DHRS7: variants seen among roughly 807,000 people sequenced by gnomAD.
The protein encoded by DHRS7 is dehydrogenase/reductase 7, also known as dehydrogenase/reductase SDR family member 7.
In DHRS7, 34 loss-of-function variants were observed where a neutral mutation model predicts 38.9. The observed-to-expected ratio is 0.87, with a 90% CI of 0.66 to 1.16. DHRS7 has a LOEUF of 1.16. Ranked by LOEUF, DHRS7 falls within the 50% of genes most tolerant of loss-of-function variation. The pLI is 0.00. For synonymous variants in DHRS7, 158 were observed against 153.1 expected, an observed-to-expected ratio of 1.03 and a Z score of -0.24; for missense variants, 421 against 407.0, an observed-to-expected ratio of 1.03 and a Z score of -0.30.
upstream of DHRS7, chr14:60,168,917 AT>A: frequency 1.3e-6 from 1 of 798,958 alleles, no homozygotes; most frequent in Non-Finnish European, 1.8e-6. Context: ...TAACTAACCC[AT>A]TGAAGTTTTG....
chr14:60,155,038 A>G (rs1896628767), intron 2 of DHRS7, among the ~76,000 whole-genome samples: 1 of 152,200 alleles, frequency 6.6e-6, no homozygotes, highest in Non-Finnish European at 1.5e-5. Flanking sequence ...AAAGAATGAC[A>G]GGTAGAGAGA....
At chr14:60,159,455 T>C (rs547524884) in intron 1 of DHRS7, 169 of 201,704 alleles carry the variant, frequency 8.4e-4, no homozygotes, top group Non-Finnish European at 7.7e-4. Context: ...ATGTCAGATG[T>C]AGGCAACATT....
Position 60,153,981 on chromosome 14 carries a change from G to C in DHRS7, c.371C>G (p.Ala124Gly), listed in dbSNP as rs746345232. The change falls in exon 3 of 7, where the codon GCT becomes GGT. Residue 124 changes from alanine (A) to glycine (G), a missense_variant. Physicochemically the swap from Ala to Gly is moderately conservative, Grantham distance 60 (BLOSUM62 0). Coordinates refer to ENST00000557185, the MANE Select transcript of DHRS7 (RefSeq NM_016029.4). This position sits in a 1 kb window ranked among gnomAD's most constrained non-coding sequence, Gnocchi z 4.4. ...TACTCTACCAAACTCCTGGAGAACA[G>C]CTTTGGTAGCCGCTTCATGGGAACC... The part of the protein sequence containing the change: ...DTGSHEAATK[A>G]VLQEFGRIDI... 6.2e-7 allele frequency: 1 copy of C among 1,614,052 alleles called. No homozygotes were observed. The highest frequency in any genetic ancestry group is 1.7e-5 in the Admixed American group (1 of 60,008).
Position 60,165,336 on chromosome 14 carries a change from GGAA to G in DHRS7, c.-30_-28del, listed in dbSNP as rs1226700188. The G allele has an allele frequency of 5.1e-6, 8 of 1,555,942 alleles. No homozygotes were observed. In the East Asian group the frequency reaches 1.4e-4, roughly 27 times the overall value. On this transcript the variant is annotated 5_prime_UTR_variant, in exon 1 of 7. Transcript: ENST00000557185. The surrounding 1 kb of genome is among the most constrained non-coding windows in gnomAD (Gnocchi z 4.6). ...GCGGCCGCGCACGCCCAGCTCGGGG[GGAA>G]GAAGACGGCCCGCACCAGAGTCGCG... is the stretch of plus-strand genomic sequence containing the variant.
At chr14:60,151,093 G>C (rs190880983) in intron 4 of DHRS7, among the ~76,000 whole-genome samples, 1 of 152,264 alleles carries the variant, frequency 6.6e-6, no homozygotes, top group Admixed American at 6.5e-5. Flanking sequence ...TTCACAGAAA[G>C]TATCAGAAAG....
intron 1 of DHRS7, among the ~76,000 whole-genome samples, chr14:60,158,168 G>A (rs999844795): frequency 1.3e-5 from 2 of 150,156 alleles, no homozygotes; most frequent in Non-Finnish European, 3.0e-5. Flanking sequence ...GGGAGGCAGA[G>A]GTTGCAGTGA....
intron 4 of DHRS7, among the ~76,000 whole-genome samples, chr14:60,151,391 G>C (rs1896541416): frequency 6.6e-6 from 1 of 152,104 alleles, no homozygotes; most frequent in African/African-American, 2.4e-5. Context: ...CTATTGAAAA[G>C]CCTAAACAGC....
At chr14:60,150,258 A>C (rs1896515783) in intron 4 of DHRS7, 71 bp from the exon 5 acceptor site, 19 of 1,374,328 alleles carry the variant, frequency 1.4e-5, no homozygotes, top group Non-Finnish European at 1.8e-5. Context: ...ATTTATCAAA[A>C]TATGTTCTAA....
In DHRS7 at chr14:60,153,369, G is replaced by A. The variant is rs1027502305; in HGVS notation, c.394-191C>T. Among the ~76,000 whole-genome samples the A allele has an allele frequency of 1.3e-5, 2 of 152,106 alleles. No individual in the cohort carries two copies. The highest frequency in any genetic ancestry group is 4.8e-5 in the African/African-American group (2 of 41,412). On this transcript the variant is annotated intron_variant, in intron 3 of 6. Coordinates refer to ENST00000557185, the MANE Select transcript of DHRS7 (RefSeq NM_016029.4). The surrounding 1 kb of genome is among the most constrained non-coding windows in gnomAD (Gnocchi z 4.4). ...CCTGTGGAATTAAATTCCCGTTTTA[G>A]GTGACTTTTTGTGAAAGTTAATAAT...
intron 4 of DHRS7, among the ~76,000 whole-genome samples, chr14:60,150,579 T>C (rs1896523210): frequency 6.6e-6 from 1 of 152,174 alleles, no homozygotes. Context: ...TGGTTTTTTG[T>C]CCTTGCAATA....
Position 60,162,717 on chromosome 14 carries a change from T to G in DHRS7, c.133+2460A>C, listed in dbSNP as rs1297245390. 2.6e-5 allele frequency among the ~76,000 whole-genome samples: 4 copies of G among 152,194 alleles called. No homozygotes were observed. The highest frequency in any genetic ancestry group is 5.9e-5 in the Non-Finnish European group (4 of 68,036). On this transcript the variant is annotated intron_variant, in intron 1 of 6. Transcript: ENST00000557185. The surrounding 1 kb of genome is among the most constrained non-coding windows in gnomAD (Gnocchi z 4.5). Reference sequence around the variant, plus strand: ...ATCTGAGTCTATTTCAATTTTCCTTTAATCTTTTCTTCTTTCTCACTCCCT... The same window carrying G: ...ATCTGAGTCTATTTCAATTTTCCTTGAATCTTTTCTTCTTTCTCACTCCCT...
chr14:60,165,797 G>A (rs575269629), upstream of DHRS7, among the ~76,000 whole-genome samples: 30 of 152,132 alleles, frequency 2.0e-4, no homozygotes, highest in Non-Finnish European at 3.7e-4. This position sits in a 1 kb window ranked among gnomAD's most constrained non-coding sequence, Gnocchi z 4.6. Flanking sequence ...TCAAGCTTCA[G>A]TATCTTTTCA....
intron 2 of DHRS7, among the ~76,000 whole-genome samples, chr14:60,154,285 G>A (rs1896613593): frequency 6.6e-6 from 1 of 151,864 alleles, no homozygotes. Flanking sequence ...TGAATATGCA[G>A]TCTAACTTTA....
chr14:60,166,930 T>C (rs1423275396), upstream of DHRS7, among the ~76,000 whole-genome samples: 1 of 149,030 alleles, frequency 6.7e-6, no homozygotes, highest in Non-Finnish European at 1.5e-5. Flanking sequence ...AATTTAAACC[T>C]CCTTGATAGA....
At chr14:60,156,249 A>C in intron 1 of DHRS7, 97 bp from the exon 2 acceptor site, 2 of 1,098,540 alleles carry the variant, frequency 1.8e-6, no homozygotes, top group Non-Finnish European at 2.4e-6. Flanking sequence ...AAACAATACC[A>C]CTAAATATGA....
At position 60,156,092 on chromosome 14, in the gene DHRS7, T is replaced by C. The variant is rs763373267; in HGVS notation, c.194A>G (p.Glu65Gly). The C allele has an allele frequency of 1.2e-5, 20 of 1,603,104 alleles. No homozygotes were observed. The East Asian group carries it at 4.5e-4, about 36-fold the overall frequency. Residue 65 changes from glutamate (E) to glycine (G), a missense_variant, in exon 2 of 7, where the codon GAG (glutamate) becomes GGG (glycine). Transcript: ENST00000557185. Reference sequence around the variant, plus strand: ...TAGTTTAGACAACTGGTAAGCCAGCTCCTCACCAATTCCACTCGAGGCTCC... The same window carrying C: ...TAGTTTAGACAACTGGTAAGCCAGCCCCTCACCAATTCCACTCGAGGCTCC... ...VTGASSGIGE[E>G]LAYQLSKLGV...
chr14:60,169,695 A>C (rs976219810), upstream of DHRS7: 2 of 152,092 alleles, frequency 1.3e-5, no homozygotes. Context: ...GAAACACCTT[A>C]CCTGTTTCCT....
rs754937578 is a variant in DHRS7, at chr14:60,150,123, C to A, written c.698G>T (p.Cys233Phe). The change falls in exon 5 of 7, where the codon TGC becomes TTC. Residue 233 changes from cysteine to phenylalanine, a missense_variant. Cys to Phe is a radical substitution (Grantham distance 205). Coordinates refer to ENST00000557185, the MANE Select transcript of DHRS7 (RefSeq NM_016029.4). ...TYPGIIVSNICPGPVQSNIVE... is the reference protein window; with the variant it reads ...TYPGIIVSNIFPGPVQSNIVE... Reference sequence around the variant, plus strand: ...AATATTTGATTGCACAGGTCCTGGGCAAATGTTAGAAACTATTATACCTGG... The same window carrying A: ...AATATTTGATTGCACAGGTCCTGGGAAAATGTTAGAAACTATTATACCTGG... The A allele has an allele frequency of 8.9e-6, 14 of 1,568,350 alleles. No individual in the cohort carries two copies. In the African/African-American group the frequency reaches 1.5e-4, roughly 17 times the overall value.
chr14:60,148,227 G>GGATT lies in DHRS7; in HGVS notation c.972+1122_972+1125dup, dbSNP rs1313052096. 5.3e-5 allele frequency: 8 copies of GGATT among 152,204 alleles called. No individual in the cohort carries two copies. Among genetic ancestry groups the GGATT allele is most frequent in the African/African-American group, 1.9e-4 (8 of 41,532 alleles). 9.4% of individuals were successfully genotyped at this position (152,204 alleles called of 1,614,324 possible). ...ATAAATTAAATGTCTAACAATTAGT[G>GGATT]GATTGCTTAAATTTTTGCAGGTATA... On this transcript the variant is annotated intron_variant, in intron 6 of 6. Coordinates refer to ENST00000557185, the MANE Select transcript of DHRS7 (RefSeq NM_016029.4). This position sits in a 1 kb window ranked among gnomAD's most constrained non-coding sequence, Gnocchi z 4.8.
Sources: allele counts gnomAD v4.1 joint callset (sites outside exome capture counted in the v4.1 genomes callset), GRCh38; gene constraint gnomAD v4.1.1; non-coding constraint Gnocchi (gnomAD v3.1); transcripts MANE v1.5; gene names NCBI Gene and HGNC (gene_info 2026-07-23, HGNC 2026-07-21).